The following CFTR variants were observed in gnomAD, a reference collection of about 807,000 sequenced individuals.
The protein encoded by CFTR is cystic fibrosis transmembrane conductance regulator.
A neutral mutation model predicts 171.6 loss-of-function variants in CFTR; 181 were observed. That is an observed-to-expected ratio of 1.05 (90% CI 0.93 to 1.19). CFTR has a LOEUF of 1.19. Among genes scored for constraint, CFTR ranks in the 50% most tolerant of loss-of-function variants. CFTR has a pLI of 0.00. For synonymous variants in CFTR, 583 were observed against 608.0 expected, an observed-to-expected ratio of 0.96 and a Z score of 0.60; for missense variants, 1,968 against 1,734.7, an observed-to-expected ratio of 1.13 and a Z score of -2.39.
chr7:117,587,459 T>C (rs1791954443), intron 11 of CFTR, among the ~76,000 whole-genome samples: 1 of 152,198 alleles, frequency 6.6e-6, no homozygotes, highest in Non-Finnish European at 1.5e-5. Context: ...TACCCATAAA[T>C]ATACACATAT....
chr7:117,548,624 G>T lies in CFTR; in HGVS notation c.1210-17G>T. On this transcript the variant is annotated splice_polypyrimidine_tract_variant and intron_variant, in intron 9 of 26. Transcript: ENST00000003084. ...ATTTTTGATGTGTGTGTGTGTGTGTGTGTGTTTTTTTAACAGGGATTTGGG... is the reference window on the plus strand; with the variant it reads ...ATTTTTGATGTGTGTGTGTGTGTGTTTGTGTTTTTTTAACAGGGATTTGGG... 6.2e-7 allele frequency: 1 copy of T among 1,604,396 alleles called. No homozygotes were observed. The highest frequency in any genetic ancestry group is 8.5e-7 in the Non-Finnish European group (1 of 1,174,036).
chr7:117,546,051 T>C (rs1411390276), intron 9 of CFTR, among the ~76,000 whole-genome samples: 1 of 152,106 alleles, frequency 6.6e-6, no homozygotes, highest in Admixed American at 6.5e-5. Flanking sequence ...TGGAGTGCAG[T>C]GGTGCGATCT....
intron 15 of CFTR, among the ~76,000 whole-genome samples, chr7:117,596,453 C>T (rs1001134780): frequency 3.3e-5 from 5 of 152,240 alleles, no homozygotes; most frequent in African/African-American, 9.6e-5. Flanking sequence ...CCCTGCTCCA[C>T]GGCACCCAGT....
At chr7:117,642,309 A>T in intron 22 of CFTR, 129 bp from the exon 23 acceptor site, 2 of 906,768 alleles carry the variant, frequency 2.2e-6, no homozygotes, top group Non-Finnish European at 3.6e-6. Context: ...TTGAATGAAT[A>T]AGTGAAAATC....
intron 1 of CFTR, among the ~76,000 whole-genome samples, chr7:117,502,167 TC>T (rs1412833226): frequency 1.3e-5 from 2 of 152,206 alleles, no homozygotes; most frequent in Non-Finnish European, 2.9e-5. Context: ...CAGGCTCCTC[TC>T]CCAGCTGTCT....
Position 117,509,022 on chromosome 7 carries a change from A to G in CFTR, c.165-12A>G, listed in dbSNP as rs1798467348. The G allele has an allele frequency of 1.3e-6, 2 of 1,539,272 alleles. No homozygotes were observed. The highest frequency in any genetic ancestry group is 1.8e-6 in the Non-Finnish European group (2 of 1,112,518). On this transcript the variant is annotated splice_polypyrimidine_tract_variant and intron_variant, in intron 2 of 26. Coordinates refer to ENST00000003084, the MANE Select transcript of CFTR (RefSeq NM_000492.4). ...ATGCAACTTATTGGTCCCACTTTTTATTCTTTTGCAGAGAATGGGATAGAG... is the reference window on the plus strand; with the variant it reads ...ATGCAACTTATTGGTCCCACTTTTTGTTCTTTTGCAGAGAATGGGATAGAG...
rs368077122 is a variant in CFTR, at chr7:117,595,109, T to C, written c.2619+51T>C. On this transcript the variant is annotated intron_variant, in intron 15 of 26. Coordinates refer to ENST00000003084, the MANE Select transcript of CFTR (RefSeq NM_000492.4). Reference sequence around the variant, plus strand: ...TACTGGATTTAAAGTTAAATTAAGATAGTTTGGGGATGTATACATATATAT... The same window carrying C: ...TACTGGATTTAAAGTTAAATTAAGACAGTTTGGGGATGTATACATATATAT... The C allele has an allele frequency of 5.3e-5, 79 of 1,499,442 alleles. No individual in the cohort carries two copies. In the African/African-American group the frequency reaches 9.1e-4, roughly 17 times the overall value. 92.9% of individuals were successfully genotyped at this position (1,499,442 alleles called of 1,614,324 possible). A position where few individuals can be genotyped will look rare whatever the true frequency, so the allele number is the denominator to read the frequency against.
In CFTR at chr7:117,531,125, C is replaced by T. The variant is rs1175893672; in HGVS notation, c.489+11C>T. 3 of 1,576,732 alleles carry T rather than the reference C, an allele frequency of 1.9e-6. No individual in the cohort carries two copies. The African/African-American group carries it at 4.0e-5, about 21-fold the overall frequency. ...TTGATTTATAAGAAGGTAATACTTC[C>T]TTGCACAGGCCCCATGGCACATATA... is the stretch of plus-strand genomic sequence containing the variant. On this transcript the variant is annotated intron_variant, in intron 4 of 26. Coordinates refer to ENST00000003084, the MANE Select transcript of CFTR (RefSeq NM_000492.4).
intron 4 of CFTR, among the ~76,000 whole-genome samples, chr7:117,531,980 A>G (rs1798873345): frequency 6.6e-6 from 1 of 152,184 alleles, no homozygotes; most frequent in South Asian, 2.1e-4. Flanking sequence ...CAAATAACCC[A>G]TAACACTTCT....
At chr7:117,558,406 T>G (rs1304891806) in intron 10 of CFTR, among the ~76,000 whole-genome samples, 1 of 151,942 alleles carries the variant, frequency 6.6e-6, no homozygotes, top group African/African-American at 2.4e-5. Context: ...TACAAAAAAT[T>G]AGCCAGACGT....
intron 21 of CFTR, among the ~76,000 whole-genome samples, chr7:117,623,280 T>C (rs1792607433): frequency 6.6e-6 from 1 of 152,210 alleles, no homozygotes; most frequent in Non-Finnish European, 1.5e-5. Context: ...CGGAAGTGGG[T>C]GTTGGCTATC....
chr7:117,514,557 A>G (rs940347030), intron 3 of CFTR, among the ~76,000 whole-genome samples: 15 of 152,166 alleles, frequency 9.9e-5, no homozygotes, highest in African/African-American at 3.6e-4. Flanking sequence ...CCAGTCTGTC[A>G]TTGATGGGCA....
intron 22 of CFTR, among the ~76,000 whole-genome samples, chr7:117,630,738 G>T (rs1228400345): frequency 6.6e-6 from 1 of 152,178 alleles, no homozygotes; most frequent in Non-Finnish European, 1.5e-5. Flanking sequence ...CCTTGGGCAG[G>T]TTCCCTCATC....
intron 2 of CFTR, among the ~76,000 whole-genome samples, chr7:117,507,519 T>C (rs908052906): frequency 1.3e-5 from 2 of 152,266 alleles, no homozygotes; most frequent in Non-Finnish European, 2.9e-5. Context: ...CTTTCCCATC[T>C]GATCCATTTC....
At chr7:117,593,784 A>G (rs1173892748) in intron 14 of CFTR, among the ~76,000 whole-genome samples, 1 of 151,924 alleles carries the variant, frequency 6.6e-6, no homozygotes, top group Non-Finnish European at 1.5e-5. Context: ...TTAGTAGAGA[A>G]GGGGTTTCAT....
intron 1 of CFTR, among the ~76,000 whole-genome samples, chr7:117,489,855 A>G (rs1054620446): frequency 6.6e-6 from 1 of 151,968 alleles, no homozygotes; most frequent in African/African-American, 2.4e-5. Flanking sequence ...TTTAAAATAC[A>G]TACATTTCAA....
intron 23 of CFTR, among the ~76,000 whole-genome samples, chr7:117,648,720 A>G (rs2116185661): frequency 6.6e-6 from 1 of 152,268 alleles, no homozygotes; most frequent in Admixed American, 6.6e-5. Context: ...GGTGACCTCC[A>G]AAGACCTTTC....
intron 24 of CFTR, among the ~76,000 whole-genome samples, chr7:117,657,688 T>C (rs1181315835): frequency 1.3e-5 from 2 of 152,230 alleles, no homozygotes; most frequent in Non-Finnish European, 2.9e-5. Context: ...GTCATCTCAC[T>C]GAGTCCTCTC....
intron 15 of CFTR, among the ~76,000 whole-genome samples, chr7:117,600,175 A>AT (rs1362154024): frequency 1.3e-5 from 2 of 152,066 alleles, no homozygotes; most frequent in Non-Finnish European, 2.9e-5. Context: ...AGCACTTACC[A>AT]TTTTGGAAAG....
Sources: allele counts gnomAD v4.1 joint callset (sites outside exome capture counted in the v4.1 genomes callset), GRCh38; gene constraint gnomAD v4.1.1; transcripts MANE v1.5; gene names NCBI Gene and HGNC (gene_info 2026-07-23, HGNC 2026-07-21).